CNTN5: variants seen among roughly 807,000 people sequenced by gnomAD.
CNTN5 encodes the protein contactin-5.
CNTN5 carries 77 observed loss-of-function variants against 129.1 expected under a neutral mutation model. The ratio of observed to expected loss-of-function variants is 0.60; its 90% CI spans 0.50 to 0.72. The LOEUF (loss-of-function observed/expected upper bound fraction) is 0.72, where lower values mean the gene tolerates loss of function less well. Ranked by LOEUF, CNTN5 falls within the 30% of genes least tolerant of loss-of-function variation. The probability of loss-of-function intolerance (pLI) is 0.00; values close to 1 mark genes in which losing one functional copy is unlikely to be tolerated. For synonymous variants in CNTN5, 509 were observed against 465.6 expected, an observed-to-expected ratio of 1.09 and a Z score of -1.20; for missense variants, 1,478 against 1,328.8, an observed-to-expected ratio of 1.11 and a Z score of -1.75.
chr11:99,707,333 A>G (rs1954798855), intron 3 of CNTN5, among the ~76,000 whole-genome samples: 1 of 151,642 alleles, frequency 6.6e-6, no homozygotes, highest in African/African-American at 2.4e-5. Context: ...TCATTTTAAC[A>G]TATTGTCCTA....
At chr11:100,267,907 T>C (rs1456273101) in intron 17 of CNTN5, among the ~76,000 whole-genome samples, 1 of 152,190 alleles carries the variant, frequency 6.6e-6, no homozygotes, top group Non-Finnish European at 1.5e-5. Context: ...GGTGCTTCAA[T>C]GTGACAGAAG....
At chr11:99,703,183 TGA>T (rs1434714358) in intron 3 of CNTN5, among the ~76,000 whole-genome samples, 1 of 77,344 alleles carries the variant, frequency 1.3e-5, no homozygotes, top group Non-Finnish European at 3.4e-5. Flanking sequence ...TTTAATTTCC[TGA>T]GTGTTTTTTA....
At chr11:99,370,157 GAAGA>G (rs1939739466) in intron 2 of CNTN5, among the ~76,000 whole-genome samples, 2 of 152,186 alleles carry the variant, frequency 1.3e-5, no homozygotes, top group African/African-American at 4.8e-5. Flanking sequence ...GTAGCAAAAT[GAAGA>G]AAGCCTGAGA....
chr11:99,468,880 A>G (rs1021198388), intron 2 of CNTN5, among the ~76,000 whole-genome samples: 19 of 151,890 alleles, frequency 1.3e-4, no homozygotes, highest in African/African-American at 4.6e-4. Flanking sequence ...AATGCTTTCT[A>G]CTAGTTTTAG....
intron 4 of CNTN5, among the ~76,000 whole-genome samples, chr11:99,831,056 A>G (rs1947124087): frequency 6.6e-6 from 1 of 152,282 alleles, no homozygotes; most frequent in South Asian, 2.1e-4. Flanking sequence ...CTTCAACAAG[A>G]TGACCTATTG....
At chr11:99,138,880 A>G (rs1342222280) in intron 1 of CNTN5, among the ~76,000 whole-genome samples, 3 of 152,092 alleles carry the variant, frequency 2.0e-5, no homozygotes, top group South Asian at 4.1e-4. Context: ...TCTCGAGAAG[A>G]TTTTCTTTAC....
intron 8 of CNTN5, among the ~76,000 whole-genome samples, chr11:99,960,090 A>C (rs1368977286): frequency 6.6e-6 from 1 of 152,198 alleles, no homozygotes; most frequent in African/African-American, 2.4e-5. Flanking sequence ...TAAGGTTCTC[A>C]TAAAATGCTA....
chr11:99,074,719 A>G (rs2135261123), intron 1 of CNTN5, among the ~76,000 whole-genome samples: 1 of 152,318 alleles, frequency 6.6e-6, no homozygotes, highest in East Asian at 1.9e-4. Flanking sequence ...GCTGGTGTAT[A>G]TTTTAGAGTA....
At chr11:100,352,899 T>C (rs1177884152) in intron 24 of CNTN5, among the ~76,000 whole-genome samples, 1 of 151,702 alleles carries the variant, frequency 6.6e-6, no homozygotes, top group Non-Finnish European at 1.5e-5. Flanking sequence ...GTCAGATTCC[T>C]AGACAACAAT....
intron 2 of CNTN5, among the ~76,000 whole-genome samples, chr11:99,502,857 C>A (rs1318887685): frequency 1.3e-5 from 2 of 152,168 alleles, no homozygotes; most frequent in African/African-American, 4.8e-5. Context: ...TCTGTCCTTT[C>A]TTTAACATGT....
chr11:100,307,420 G>T (rs1360194733), intron 20 of CNTN5, among the ~76,000 whole-genome samples: 1 of 151,494 alleles, frequency 6.6e-6, no homozygotes, highest in South Asian at 2.1e-4. Flanking sequence ...TTATGATTCA[G>T]CCATGTCAAC....
intron 1 of CNTN5, among the ~76,000 whole-genome samples, chr11:99,245,041 T>C (rs994376866): frequency 1.8e-4 from 28 of 152,230 alleles, no homozygotes; most frequent in Admixed American, 7.2e-4. Context: ...AGATTAGTTA[T>C]CAAAGTAATG....
chr11:99,955,028 A>G (rs1271742177), intron 7 of CNTN5, among the ~76,000 whole-genome samples: 1 of 152,110 alleles, frequency 6.6e-6, no homozygotes, highest in Non-Finnish European at 1.5e-5. Context: ...TTTTAAATTT[A>G]ATGAATGATG....
chr11:99,904,875 C>T (rs1238960055), intron 6 of CNTN5, among the ~76,000 whole-genome samples: 4 of 152,000 alleles, frequency 2.6e-5, no homozygotes, highest in South Asian at 2.1e-4. Flanking sequence ...TTTTGATTTG[C>T]GTTTCTCTAA....
At chr11:100,281,922 T>C (rs951984680) in intron 18 of CNTN5, among the ~76,000 whole-genome samples, 1 of 152,166 alleles carries the variant, frequency 6.6e-6, no homozygotes, top group Non-Finnish European at 1.5e-5. Context: ...AGAGTTTGTG[T>C]TGGATTCTCT....
intron 2 of CNTN5, among the ~76,000 whole-genome samples, chr11:99,369,167 A>T (rs1343054314): frequency 1.4e-5 from 2 of 143,702 alleles, no homozygotes; most frequent in Non-Finnish European, 3.0e-5. Context: ...TGGGAGAAGA[A>T]TTATATATAT....
chr11:99,848,091 G>A (rs1947758515), intron 6 of CNTN5, among the ~76,000 whole-genome samples: 5 of 152,090 alleles, frequency 3.3e-5, no homozygotes. Flanking sequence ...CATGCCTGTA[G>A]TCCCAGCTAC....
intron 3 of CNTN5, among the ~76,000 whole-genome samples, chr11:99,794,459 T>C (rs1306092854): frequency 6.6e-6 from 1 of 152,174 alleles, no homozygotes; most frequent in Admixed American, 6.5e-5. Context: ...TTTAATCCTG[T>C]CATCGTGTTT....
chr11:99,842,055 C>G (rs1248210456), intron 4 of CNTN5, among the ~76,000 whole-genome samples: 1 of 151,748 alleles, frequency 6.6e-6, no homozygotes, highest in Admixed American at 6.6e-5. Context: ...ACCACCACGC[C>G]CAGCTAATTT....
Sources: gnomAD v4.1 joint callset for allele counts (sites outside exome capture counted in the v4.1 genomes callset) on GRCh38, gnomAD v4.1.1 for gene constraint, MANE v1.5 for transcripts, NCBI Gene and HGNC (gene_info 2026-07-23, HGNC 2026-07-21) for gene names.